Variants in CYP39A1 observed in about 807,000 individuals in gnomAD.
CYP39A1 encodes 24-hydroxycholesterol 7-alpha-hydroxylase.
Under a neutral mutation model 58.1 loss-of-function variants are expected in CYP39A1, and 49 were observed. The observed-to-expected ratio is 0.84, with a 90% CI of 0.67 to 1.07. CYP39A1 has a LOEUF of 1.07. Among genes scored for constraint, CYP39A1 ranks in the 50% least tolerant of loss-of-function variants. The probability of loss-of-function intolerance (pLI) is 0.00; values close to 1 mark genes in which losing one functional copy is unlikely to be tolerated. For missense variants in CYP39A1, 531 were observed against 539.4 expected (o/e 0.98, Z 0.16); for synonymous variants, 209 against 187.6 (o/e 1.11, Z -0.93).
chr6:46,636,607 G>T, intron 4 of CYP39A1, 125 bp from the exon 5 acceptor site: 9 of 652,350 alleles, frequency 1.4e-5, no homozygotes, highest in South Asian at 1.3e-4. Context: ...TCATTTTCAG[G>T]TATAATTTCA....
At chr6:46,586,833 G>T (rs1772496092) in intron 10 of CYP39A1, among the ~76,000 whole-genome samples, 1 of 152,094 alleles carries the variant, frequency 6.6e-6, no homozygotes, top group Non-Finnish European at 1.5e-5. Flanking sequence ...CATAAACGCT[G>T]CTTTGATGTG....
chr6:46,576,103 G>A (rs1771831208), intron 10 of CYP39A1, among the ~76,000 whole-genome samples: 1 of 152,118 alleles, frequency 6.6e-6, no homozygotes, highest in Non-Finnish European at 1.5e-5. Flanking sequence ...TACGTGGCAG[G>A]AACAGGAGCA....
At chr6:46,645,950 C>T (rs1762297323) in intron 1 of CYP39A1, among the ~76,000 whole-genome samples, 1 of 152,006 alleles carries the variant, frequency 6.6e-6, no homozygotes, top group African/African-American at 2.4e-5. Flanking sequence ...TCCACATGTT[C>T]ATTGTTAGTA....
chr6:46,593,487 A>T (rs1772965656), intron 8 of CYP39A1, among the ~76,000 whole-genome samples: 1 of 152,164 alleles, frequency 6.6e-6, no homozygotes, highest in East Asian at 1.9e-4. Context: ...GTCTCAAAAA[A>T]ATTAAAATAA....
At chr6:46,554,958 T>C (rs530395747) in intron 10 of CYP39A1, among the ~76,000 whole-genome samples, 4 of 152,132 alleles carry the variant, frequency 2.6e-5, no homozygotes, top group Admixed American at 6.6e-5. Flanking sequence ...CAGTTTCACT[T>C]CCCTCTACTC....
At chr6:46,638,613 A>C (rs1025352920) in intron 3 of CYP39A1, among the ~76,000 whole-genome samples, 6 of 152,200 alleles carry the variant, frequency 3.9e-5, no homozygotes, top group African/African-American at 1.2e-4. Flanking sequence ...AAGTTTTAAA[A>C]ATATCCAAGA....
At chr6:46,621,716 TGAA>T in intron 7 of CYP39A1, among the ~76,000 whole-genome samples, 1 of 152,140 alleles carries the variant, frequency 6.6e-6, no homozygotes, top group South Asian at 2.1e-4. Context: ...ACTTCATTGG[TGAA>T]TTCTACCATA....
At chr6:46,635,411 C>A (rs1423462032) in intron 5 of CYP39A1, among the ~76,000 whole-genome samples, 2 of 152,152 alleles carry the variant, frequency 1.3e-5, no homozygotes, top group Admixed American at 6.5e-5. Flanking sequence ...TCTCTGTGGG[C>A]AGACCCTGGC....
chr6:46,559,860 CCATT>C (rs776484133), intron 10 of CYP39A1, among the ~76,000 whole-genome samples: 1 of 152,068 alleles, frequency 6.6e-6, no homozygotes, highest in African/African-American at 2.4e-5. Flanking sequence ...AATAAGACCC[CCATT>C]CATTCATTCA....
At chr6:46,604,985 T>C (rs1773750610) in intron 7 of CYP39A1, among the ~76,000 whole-genome samples, 1 of 149,746 alleles carries the variant, frequency 6.7e-6, no homozygotes, top group Non-Finnish European at 1.5e-5. Flanking sequence ...ATACTAACAC[T>C]AACAATAGCT....
At chr6:46,561,474 T>C (rs918318815) in intron 10 of CYP39A1, among the ~76,000 whole-genome samples, 3 of 152,026 alleles carry the variant, frequency 2.0e-5, no homozygotes, top group Non-Finnish European at 4.4e-5. Context: ...AGAAAATCCA[T>C]TCCAAGGGAC....
intron 6 of CYP39A1, among the ~76,000 whole-genome samples, chr6:46,627,579 T>G (rs1184087118): frequency 1.3e-5 from 2 of 151,938 alleles, no homozygotes; most frequent in East Asian, 3.9e-4. Flanking sequence ...CCACCACGCA[T>G]GGCTAATTTT....
intron 10 of CYP39A1, among the ~76,000 whole-genome samples, chr6:46,560,344 G>A (rs758082815): frequency 6.6e-6 from 1 of 152,180 alleles, no homozygotes; most frequent in Non-Finnish European, 1.5e-5. Context: ...ACTTAGAACA[G>A]GATGGTAGAA....
rs545286014 is a variant in CYP39A1, at chr6:46,642,308, A to T, written c.178-10T>A. 1 of 1,608,338 alleles carries T rather than the reference A, an allele frequency of 6.2e-7. No homozygotes were observed. Among genetic ancestry groups the T allele is most frequent in the African/African-American group, 1.3e-5 (1 of 74,706 alleles). ...TAAATATTGGTCCATACTGAAATAA[A>T]ACAAACATAGATTATATTAGTAAGC... On this transcript the variant is annotated splice_polypyrimidine_tract_variant and intron_variant, in intron 1 of 11. Transcript: ENST00000275016.
At position 46,650,586 on chromosome 6, in the gene CYP39A1, C is replaced by A. The variant is rs139034024; in HGVS notation, c.177+1820G>T. Among the ~76,000 whole-genome samples the A allele has an allele frequency of 5.0e-3, 641 of 128,836 alleles. 3 individuals are homozygous for A. The highest frequency in any genetic ancestry group is 0.017 in the African/African-American group (589 of 34,434). 84.5% of individuals were successfully genotyped at this position (128,836 alleles called of 152,430 possible). On this transcript the variant is annotated intron_variant, in intron 1 of 11. Transcript: ENST00000275016. ...TGGCTCAATCATAGCTTACCGGAAT[C>A]TGGAACTCCTGAGCTCAAGCAATCC...
At chr6:46,579,489 G>A (rs1251947628) in intron 10 of CYP39A1, among the ~76,000 whole-genome samples, 1 of 152,004 alleles carries the variant, frequency 6.6e-6, no homozygotes, top group Non-Finnish European at 1.5e-5. Context: ...ATTCAACCTA[G>A]TACTAGAAGT....
rs752311783 is a variant in CYP39A1, at chr6:46,637,837, A to T, written c.630T>A (p.Cys210Ter). 1 of 1,612,258 alleles carries T rather than the reference A, an allele frequency of 6.2e-7. No homozygotes were observed. Among genetic ancestry groups the T allele is most frequent in the South Asian group, 1.1e-5 (1 of 90,574 alleles). Residue 210 changes from cysteine (C) to a stop codon, truncating the protein, a stop_gained, in exon 4 of 12, where the codon TGT becomes TGA. Coordinates refer to ENST00000275016, the MANE Select transcript of CYP39A1 (RefSeq NM_016593.5). LOFTEE classifies it high-confidence loss of function. ...DFEYGSQLPE[C>*]LLRNWSKSKK... ...TAGGAAACAACTGTTACCTTAGAAG[A>T]CACTCTGGCAACTGGGACCCATACT...
chr6:46,584,828 A>G (rs1772368198), intron 10 of CYP39A1, among the ~76,000 whole-genome samples: 1 of 152,158 alleles, frequency 6.6e-6, no homozygotes, highest in Non-Finnish European at 1.5e-5. Flanking sequence ...TTCTGAGAGC[A>G]TCTTGACCAG....
intron 7 of CYP39A1, among the ~76,000 whole-genome samples, chr6:46,601,961 C>G (rs1050954610): frequency 1.3e-5 from 2 of 152,138 alleles, no homozygotes; most frequent in African/African-American, 4.8e-5. Flanking sequence ...TCTCCCTAAT[C>G]ACTATTATTT....
Sources: gnomAD v4.1 joint callset for allele counts (sites outside exome capture counted in the v4.1 genomes callset) on GRCh38, gnomAD v4.1.1 for gene constraint, MANE v1.5 for transcripts, NCBI Gene and HGNC (gene_info 2026-07-23, HGNC 2026-07-21) for gene names.